The following MYO1H variants were observed in gnomAD, a reference collection of about 807,000 sequenced individuals.
The protein encoded by MYO1H is myosin IH, also known as unconventional myosin-Ih.
MYO1H carries 118 observed loss-of-function variants against 149.3 expected under a neutral mutation model. The ratio of observed to expected loss-of-function variants is 0.79; its 90% CI spans 0.68 to 0.92. The LOEUF is 0.92. MYO1H is among the 40% of genes least tolerant of loss of function. MYO1H has a pLI of 0.00. For missense variants in MYO1H, 1,212 were observed against 1,280.7 expected, an observed-to-expected ratio of 0.95 and a Z score of 0.82; for synonymous variants, 447 against 465.2, an observed-to-expected ratio of 0.96 and a Z score of 0.50.
chr12:109,429,562 C>T (rs1329280707), intron 19 of MYO1H, among the ~76,000 whole-genome samples: 3 of 152,144 alleles, frequency 2.0e-5, no homozygotes, highest in African/African-American at 7.2e-5. Flanking sequence ...AAGATGTACT[C>T]AGGTTATATG....
At chr12:109,347,866 A>T (rs973661570), upstream of MYO1H, 1 of 398,798 alleles carries the variant, frequency 2.5e-6, no homozygotes, top group Non-Finnish European at 4.4e-6. Context: ...TTGTTGCTGG[A>T]TGTCAGGCAT....
At chr12:109,374,672 A>C (rs1029317196) in intron 1 of MYO1H, among the ~76,000 whole-genome samples, 14 of 152,112 alleles carry the variant, frequency 9.2e-5, no homozygotes, top group Non-Finnish European at 1.9e-4. Flanking sequence ...TCTGGGCTAT[A>C]CTAAATTGTT....
At chr12:109,437,032 G>A (rs954830606) in intron 22 of MYO1H, among the ~76,000 whole-genome samples, 3 of 152,154 alleles carry the variant, frequency 2.0e-5, no homozygotes, top group Non-Finnish European at 2.9e-5. Flanking sequence ...TTGAGCCCAG[G>A]AGGTGGAGGT....
At chr12:109,329,964 A>G in the MYO1H span, among the ~76,000 whole-genome samples, 1 of 152,208 alleles carries the variant, frequency 6.6e-6, no homozygotes, top group African/African-American at 2.4e-5. Flanking sequence ...GAGGCAGATG[A>G]TGAGTAAGTA....
chr12:109,318,972 G>GTTTTTGTTTTTTTTTTTTTTTTTTTTT, the MYO1H span, among the ~76,000 whole-genome samples: 1 of 77,256 alleles, frequency 1.3e-5, no homozygotes, highest in Non-Finnish European at 2.5e-5. Context: ...TTTTGGTTTT[G>GTTTTTGTTTTTTTTTTTTTTTTTTTTT]TTTTTTTTTT....
chr12:109,411,199 G>A (rs571284544), intron 13 of MYO1H, among the ~76,000 whole-genome samples: 1 of 152,238 alleles, frequency 6.6e-6, no homozygotes, highest in East Asian at 1.9e-4. Context: ...TAACTCCTGG[G>A]CTCAAGCAGT....
chr12:109,355,283 T>G (rs1468091290), intron 1 of MYO1H, among the ~76,000 whole-genome samples: 1 of 152,176 alleles, frequency 6.6e-6, no homozygotes, highest in Non-Finnish European at 1.5e-5. Flanking sequence ...CGTGCAATCT[T>G]CCTTAACTTA....
At chr12:109,432,794 G>A (rs754208615) in intron 19 of MYO1H, 103 bp from the exon 20 acceptor site, 65 of 885,876 alleles carry the variant, frequency 7.3e-5, no homozygotes, top group Non-Finnish European at 1.1e-4. Flanking sequence ...CTGAGTGGCC[G>A]ACATGCCACA....
At chr12:109,337,674 T>C in the MYO1H span, among the ~76,000 whole-genome samples, 1 of 152,118 alleles carries the variant, frequency 6.6e-6, no homozygotes, top group African/African-American at 2.4e-5. Flanking sequence ...GTCCCTCCCA[T>C]CACACGTGGG....
chr12:109,408,167 C>T (rs1205846911), intron 10 of MYO1H, among the ~76,000 whole-genome samples: 1 of 152,046 alleles, frequency 6.6e-6, no homozygotes, highest in East Asian at 1.9e-4. Context: ...TACACAGAAA[C>T]TTTTTATTTT....
chr12:109,401,057 T>G (rs754794438), intron 5 of MYO1H, 36 bp from the exon 6 acceptor site: 39 of 1,596,472 alleles, frequency 2.4e-5, no homozygotes. Context: ...GTGGTTTGAT[T>G]GTTGTCACTG....
rs1411263412 is a variant in MYO1H, at chr12:109,424,804, A to G, written c.1701A>G (p.Leu567=). The change falls in exon 17 of 32, where the codon TTA becomes TTG. Residue 567 remains leucine (L), a synonymous_variant. Transcript: ENST00000310903. The stretch of plus-strand genomic sequence containing the variant: ...GGGAATGCTTCCTGCTGGCCGAGTT[A>G]GAAAACCGGAGGAGGCCCCCAACAG... 3.1e-6 allele frequency: 5 copies of G among 1,613,926 alleles called. No individual in the cohort carries two copies. The South Asian group carries it at 5.5e-5, about 18-fold the overall frequency.
At chr12:109,337,165 G>T in the MYO1H span, among the ~76,000 whole-genome samples, 1 of 152,166 alleles carries the variant, frequency 6.6e-6, no homozygotes, top group Admixed American at 6.5e-5. Context: ...GCTTCCAGGG[G>T]TTAAGAAACC....
exon 7 of MYO1H, chr12:109,404,041 C>T (rs187604613): frequency 6.8e-5 from 110 of 1,613,646 alleles, no homozygotes; most frequent in Admixed American, 4.5e-4. Flanking sequence ...CTGTTTCCAA[C>T]GCCTTTTCTG....
chr12:109,409,736 C>A lies in MYO1H; in HGVS notation c.1223+112C>A. 5.2e-6 allele frequency: 5 copies of A among 963,204 alleles called. No homozygotes were observed. The South Asian group carries it at 6.9e-5, about 13-fold the overall frequency. 59.7% of individuals were successfully genotyped at this position (963,204 alleles called of 1,614,324 possible). A position where few individuals can be genotyped will look rare whatever the true frequency, so the allele number is the denominator to read the frequency against. On this transcript the variant is annotated intron_variant, in intron 11 of 31. Transcript: ENST00000310903. Reference sequence around the variant, plus strand: ...ATTGATTTCCCTGTCCCCAGAAAGTCTCTAGATTTACATAGTTTCTAACTC... The same window carrying A: ...ATTGATTTCCCTGTCCCCAGAAAGTATCTAGATTTACATAGTTTCTAACTC...
exon 2 of MYO1H, chr12:109,388,710 C>T (rs748272563): frequency 1.1e-5 from 17 of 1,596,506 alleles, no homozygotes; most frequent in Middle Eastern, 1.7e-4. Flanking sequence ...GAAACACATC[C>T]GTCTGCACAT....
intron 13 of MYO1H, among the ~76,000 whole-genome samples, chr12:109,411,537 T>C (rs1276347210): frequency 1.3e-5 from 2 of 152,250 alleles, no homozygotes; most frequent in Admixed American, 6.5e-5. Context: ...TGAGGGCTTT[T>C]CTTCTACAAC....
At chr12:109,439,113 C>T (rs545668460) in intron 23 of MYO1H, among the ~76,000 whole-genome samples, 3 of 152,214 alleles carry the variant, frequency 2.0e-5, no homozygotes, top group South Asian at 2.1e-4. Flanking sequence ...CTCACTCTGT[C>T]GCCCAGGCTG....
At chr12:109,361,264 C>G (rs1252157771) in intron 1 of MYO1H, among the ~76,000 whole-genome samples, 1 of 152,084 alleles carries the variant, frequency 6.6e-6, no homozygotes, top group Non-Finnish European at 1.5e-5. Flanking sequence ...CATGTAGTAA[C>G]CATCCAGGTA....
Sources: gnomAD v4.1 joint callset for allele counts (sites outside exome capture counted in the v4.1 genomes callset) on GRCh38, gnomAD v4.1.1 for gene constraint, MANE v1.5 for transcripts, NCBI Gene and HGNC (gene_info 2026-07-23, HGNC 2026-07-21) for gene names.